PTK2: variants seen among roughly 807,000 people sequenced by gnomAD.
The protein encoded by PTK2 is focal adhesion kinase 1.
In PTK2, 45 loss-of-function variants were observed where a neutral mutation model predicts 150.1. The observed-to-expected ratio is 0.30, with a 90% CI of 0.24 to 0.38. The LOEUF is 0.38. Among genes scored for constraint, PTK2 ranks in the 10% least tolerant of loss-of-function variants. PTK2 has a pLI of 1.00. For missense variants in PTK2, 919 were observed against 1,307.3 expected, an observed-to-expected ratio of 0.70 and a Z score of 4.58; for synonymous variants, 432 against 449.2, an observed-to-expected ratio of 0.96 and a Z score of 0.48.
At chr8:140,798,938 G>C (rs1452438174) in intron 12 of PTK2, among the ~76,000 whole-genome samples, 1 of 152,180 alleles carries the variant, frequency 6.6e-6, no homozygotes, top group African/African-American at 2.4e-5. Context: ...TTAACTGAGA[G>C]TAACTGTAGA....
intron 1 of PTK2, among the ~76,000 whole-genome samples, chr8:140,936,546 A>G (rs2100173697): frequency 6.6e-6 from 1 of 152,084 alleles, no homozygotes; most frequent in Non-Finnish European, 1.5e-5. Flanking sequence ...GTTATGTTTC[A>G]GGGGCATCTT....
intron 1 of PTK2, among the ~76,000 whole-genome samples, chr8:140,990,756 C>T (rs1044740114): frequency 2.6e-5 from 4 of 152,062 alleles, no homozygotes; most frequent in Non-Finnish European, 5.9e-5. Context: ...TACTTAAATA[C>T]CCTTTACAAC....
At chr8:140,939,668 A>AT (rs1219572463) in intron 1 of PTK2, among the ~76,000 whole-genome samples, 42 of 152,168 alleles carry the variant, frequency 2.8e-4, no homozygotes, top group African/African-American at 5.1e-4. Context: ...TTCTACCAGG[A>AT]TTTTTTTTAT....
intron 14 of PTK2, among the ~76,000 whole-genome samples, chr8:140,777,585 A>G (rs1380888920): frequency 6.6e-6 from 1 of 152,240 alleles, no homozygotes; most frequent in Non-Finnish European, 1.5e-5. Flanking sequence ...TTAGATCTAA[A>G]AACTCCCACT....
intron 1 of PTK2, among the ~76,000 whole-genome samples, chr8:140,999,073 C>T (rs2100198965): frequency 6.6e-6 from 1 of 152,214 alleles, no homozygotes; most frequent in Admixed American, 6.5e-5. Context: ...TTTCAATGGG[C>T]TTCCAGCCTC....
chr8:140,724,406 T>C (rs1484104942), intron 22 of PTK2, among the ~76,000 whole-genome samples: 1 of 152,242 alleles, frequency 6.6e-6, no homozygotes, highest in African/African-American at 2.4e-5. Context: ...ACTACTAACT[T>C]TTCTCTTTGC....
chr8:140,904,973 T>G (rs2100160273), intron 2 of PTK2, among the ~76,000 whole-genome samples: 1 of 152,170 alleles, frequency 6.6e-6, no homozygotes, highest in Non-Finnish European at 1.5e-5. Context: ...TTTTGAAAGT[T>G]TTTTTGTATC....
intron 29 of PTK2, chr8:140,670,207 A>G (rs2094738330): frequency 6.4e-6 from 1 of 155,158 alleles, no homozygotes; most frequent in African/African-American, 2.4e-5. Context: ...ATCTAGCCAT[A>G]ATGCTATCAT....
At chr8:140,899,342 G>A in intron 2 of PTK2, among the ~76,000 whole-genome samples, 1 of 152,042 alleles carries the variant, frequency 6.6e-6, no homozygotes, top group East Asian at 1.9e-4. Context: ...CCACTATACT[G>A]ATTACTACAG....
chr8:140,879,866 GAAGTTTTAGAAAAGAAAACATA>G (rs990273881), intron 3 of PTK2, among the ~76,000 whole-genome samples: 1 of 152,016 alleles, frequency 6.6e-6, no homozygotes, highest in African/African-American at 2.4e-5. Context: ...AGAACAAGGA[GAAGTTTTAGAAAAGAAAACATA>G]AAGAGATTCT....
chr8:140,943,818 C>T (rs2100176708), intron 1 of PTK2, among the ~76,000 whole-genome samples: 1 of 152,126 alleles, frequency 6.6e-6, no homozygotes, highest in Non-Finnish European at 1.5e-5. Flanking sequence ...ATTTACATTT[C>T]CTAACGACTA....
At chr8:140,866,069 G>C (rs773295211) in intron 4 of PTK2, among the ~76,000 whole-genome samples, 1 of 152,138 alleles carries the variant, frequency 6.6e-6, no homozygotes, top group African/African-American at 2.4e-5. Flanking sequence ...GATTACAGGC[G>C]TGTGAGCCAC....
At chr8:140,947,113 T>C (rs568006204) in intron 1 of PTK2, among the ~76,000 whole-genome samples, 3 of 152,280 alleles carry the variant, frequency 2.0e-5, no homozygotes, top group East Asian at 1.9e-4. Flanking sequence ...CCAATCTCAG[T>C]TGAACCACAA....
intron 23 of PTK2, among the ~76,000 whole-genome samples, chr8:140,714,776 A>C (rs1248028917): frequency 7.2e-6 from 1 of 139,606 alleles, no homozygotes; most frequent in Non-Finnish European, 1.6e-5. Flanking sequence ...CAGCCCGGGC[A>C]ATAGAGCAAG....
chr8:140,767,633 G>A (rs899244483), intron 14 of PTK2, among the ~76,000 whole-genome samples: 3 of 151,950 alleles, frequency 2.0e-5, no homozygotes, highest in Non-Finnish European at 2.9e-5. Context: ...CTACAGGCAC[G>A]CGCCGCCATG....
At chr8:140,702,502 A>G in intron 25 of PTK2, 68 bp downstream of exon 28, 1 of 1,557,708 alleles carries the variant, frequency 6.4e-7, no homozygotes, top group Non-Finnish European at 8.8e-7. Context: ...TTACAAGTGT[A>G]AGCCACCATG....
intron 12 of PTK2, among the ~76,000 whole-genome samples, chr8:140,796,853 A>C (rs2100091910): frequency 6.6e-6 from 1 of 152,162 alleles, no homozygotes; most frequent in Non-Finnish European, 1.5e-5. Context: ...AATGCTTATA[A>C]ATACACAAGT....
intron 8 of PTK2, among the ~76,000 whole-genome samples, chr8:140,822,710 A>G (rs1016881926): frequency 1.3e-5 from 2 of 152,188 alleles, no homozygotes; most frequent in East Asian, 1.9e-4. Context: ...TGGCACTTAT[A>G]TAAGATCCAC....
At chr8:140,756,983 C>T (rs1255813074) in intron 16 of PTK2, among the ~76,000 whole-genome samples, 3 of 148,050 alleles carry the variant, frequency 2.0e-5, no homozygotes, top group South Asian at 2.1e-4. Flanking sequence ...AGCGATACTC[C>T]GTCTCAAAAA....
Sources: gnomAD v4.1 joint callset for allele counts (sites outside exome capture counted in the v4.1 genomes callset) on GRCh38, gnomAD v4.1.1 for gene constraint, MANE v1.5 for transcripts, NCBI Gene and HGNC (gene_info 2026-07-23, HGNC 2026-07-21) for gene names.